SYCP1: variants seen among roughly 807,000 people sequenced by gnomAD.
SYCP1 encodes synaptonemal complex protein 1, also known as cancer/testis antigen 8.
Under a neutral mutation model 153.1 loss-of-function variants are expected in SYCP1, and 64 were observed. The observed-to-expected ratio is 0.42, with a 90% CI of 0.34 to 0.51. The LOEUF is 0.51. SYCP1 is among the 20% of genes least tolerant of loss of function. SYCP1 has a pLI of 0.06. For synonymous variants in SYCP1, 384 were observed against 341.8 expected, an observed-to-expected ratio of 1.12 and a Z score of -1.36; for missense variants, 997 against 1,049.0, an observed-to-expected ratio of 0.95 and a Z score of 0.68.
At chr1:114,943,580 A>C (rs1670518009) in intron 23 of SYCP1, among the ~76,000 whole-genome samples, 1 of 151,912 alleles carries the variant, frequency 6.6e-6, no homozygotes, top group Non-Finnish European at 1.5e-5. Flanking sequence ...TATAAAGAAG[A>C]GTAAGGGAAT....
At chr1:114,923,929 T>C (rs1669081158) in intron 21 of SYCP1, among the ~76,000 whole-genome samples, 1 of 152,144 alleles carries the variant, frequency 6.6e-6, no homozygotes, top group Admixed American at 6.6e-5. Context: ...GAAAATGGAA[T>C]AGTACAAGAT....
At chr1:114,887,514 AG>A (rs1296615645) in intron 14 of SYCP1, 111 bp from the exon 15 acceptor site, 1 of 549,666 alleles carries the variant, frequency 1.8e-6, no homozygotes, top group Non-Finnish European at 3.1e-6. Flanking sequence ...TTAACAATCC[AG>A]TGGGTGAATC....
chr1:114,895,411 C>T, intron 15 of SYCP1, 37 bp from the exon 16 acceptor site: 1 of 1,339,594 alleles, frequency 7.5e-7, no homozygotes, highest in Non-Finnish European at 1.0e-6. Context: ...TTCTTTTAAT[C>T]CAGCTTTTTA....
intron 30 of SYCP1, among the ~76,000 whole-genome samples, chr1:114,992,585 C>T (rs1673999209): frequency 6.6e-6 from 1 of 151,276 alleles, no homozygotes; most frequent in Non-Finnish European, 1.5e-5. Context: ...GAAAACTGTC[C>T]ACATGTCAAA....
chr1:114,941,920 G>A (rs1451184408), intron 23 of SYCP1, among the ~76,000 whole-genome samples: 1 of 151,984 alleles, frequency 6.6e-6, no homozygotes, highest in Non-Finnish European at 1.5e-5. Flanking sequence ...TTTAGACATA[G>A]GTCCTATCCT....
chr1:114,964,897 A>G (rs1349220232), intron 27 of SYCP1, among the ~76,000 whole-genome samples: 2 of 152,176 alleles, frequency 1.3e-5, no homozygotes, highest in Admixed American at 6.5e-5. Context: ...TAATTCTATG[A>G]AGAAAGTCAA....
At chr1:114,876,542 A>G (rs188958417) in intron 10 of SYCP1, among the ~76,000 whole-genome samples, 195 bp from the exon 11 acceptor site, 1 of 151,646 alleles carries the variant, frequency 6.6e-6, no homozygotes, top group Admixed American at 6.6e-5. Flanking sequence ...GGTTATTATA[A>G]CTGATATTAT....
chr1:114,985,024 G>T lies in SYCP1; in HGVS notation c.2703+156G>T, dbSNP rs1176659064. 2.0e-5 allele frequency among the ~76,000 whole-genome samples: 3 copies of T among 151,562 alleles called. No individual in the cohort carries two copies. The South Asian group carries it at 6.2e-4, about 31-fold the overall frequency. On this transcript the variant is annotated intron_variant, in intron 30 of 31. Coordinates refer to ENST00000369522, the MANE Select transcript of SYCP1 (RefSeq NM_003176.4). ...CTAAAATGCAGATCCTTGTGCTTTT[G>T]CAGCATTTCAGAAAAATTAGGGTTC...
intron 15 of SYCP1, among the ~76,000 whole-genome samples, chr1:114,893,383 AT>A (rs1666857957): frequency 1.3e-5 from 2 of 150,636 alleles, no homozygotes; most frequent in Admixed American, 1.3e-4. Flanking sequence ...TATCTATCTC[AT>A]CTCTATCTCT....
chr1:114,958,691 C>A (rs1250367970), intron 27 of SYCP1, among the ~76,000 whole-genome samples: 2 of 146,646 alleles, frequency 1.4e-5, no homozygotes, highest in South Asian at 4.3e-4. Context: ...GAGGCTGAGG[C>A]GGGCGGATCA....
chr1:114,879,668 T>G (rs1007059313), intron 12 of SYCP1, among the ~76,000 whole-genome samples: 2 of 152,196 alleles, frequency 1.3e-5, no homozygotes, highest in Non-Finnish European at 2.9e-5. Context: ...ATATTTAATC[T>G]TATCATATAA....
intron 27 of SYCP1, among the ~76,000 whole-genome samples, chr1:114,963,370 A>G (rs1047633889): frequency 6.6e-6 from 1 of 152,042 alleles, no homozygotes; most frequent in African/African-American, 2.4e-5. Context: ...ATTTTTTTAA[A>G]AGTATTTTTT....
rs1363270112 is a variant in SYCP1 at position 114,977,538 on chromosome 1, T to G, written c.2323-19T>G. On this transcript the variant is annotated intron_variant, in intron 27 of 31. Coordinates refer to ENST00000369522, the MANE Select transcript of SYCP1 (RefSeq NM_003176.4). The stretch of plus-strand genomic sequence containing the variant: ...TTGTGATGTTTATGTTACTTGTACT[T>G]GATATTTATTTTTAATAGGAAAAAC... 10 of 1,349,510 alleles carry G rather than the reference T, an allele frequency of 7.4e-6. No individual in the cohort carries two copies. The East Asian group carries it at 2.6e-4, about 36-fold the overall frequency. The allele number at this position is 1,349,510 out of a possible 1,614,324, so 83.6% of individuals were successfully genotyped here. A position where few individuals can be genotyped will look rare whatever the true frequency, so the allele number is the denominator to read the frequency against.
At chr1:114,857,110 A>T (rs542313983) in intron 3 of SYCP1, 122 bp from the exon 4 acceptor site, 19 of 766,702 alleles carry the variant, frequency 2.5e-5, no homozygotes, top group Non-Finnish European at 3.4e-5. Context: ...TAGTCTAGGC[A>T]ATAGTGCCAG....
At chr1:114,881,056 T>TATACACACACACACACAC (rs375436670) in intron 12 of SYCP1, among the ~76,000 whole-genome samples, 3 of 145,044 alleles carry the variant, frequency 2.1e-5, no homozygotes, top group African/African-American at 7.8e-5. Flanking sequence ...TTTGTGTATA[T>TATACACACACACACACAC]ACACACACAC....
At chr1:114,884,858 G>C (rs1012558615) in intron 12 of SYCP1, among the ~76,000 whole-genome samples, 1 of 152,088 alleles carries the variant, frequency 6.6e-6, no homozygotes, top group Non-Finnish European at 1.5e-5. Flanking sequence ...AGAATATAAT[G>C]AACTTCTTTT....
chr1:114,863,914 T>C (rs1384427515), intron 8 of SYCP1, among the ~76,000 whole-genome samples: 1 of 148,708 alleles, frequency 6.7e-6, no homozygotes, highest in Non-Finnish European at 1.5e-5. Flanking sequence ...TAAGTGGGAG[T>C]TGAACAATGC....
At chr1:114,979,570 C>T (rs1016701174) in intron 28 of SYCP1, among the ~76,000 whole-genome samples, 2 of 151,660 alleles carry the variant, frequency 1.3e-5, no homozygotes, top group Non-Finnish European at 3.0e-5. Context: ...TACATTTTGG[C>T]GGTTCCAAAG....
intron 27 of SYCP1, among the ~76,000 whole-genome samples, chr1:114,967,795 G>A (rs1402850021): frequency 6.6e-6 from 1 of 152,160 alleles, no homozygotes; most frequent in East Asian, 1.9e-4. Context: ...TTTACATTTT[G>A]GTATGTTTTT....
Sources: gnomAD v4.1 joint callset for allele counts (sites outside exome capture counted in the v4.1 genomes callset) on GRCh38, gnomAD v4.1.1 for gene constraint, MANE v1.5 for transcripts, NCBI Gene and HGNC (gene_info 2026-07-23, HGNC 2026-07-21) for gene names.